The following QTMAN variants were observed in gnomAD, a reference collection of about 807,000 sequenced individuals.
QTMAN encodes the protein queuosine-tRNA mannosyltransferase.
the QTMAN span, among the ~76,000 whole-genome samples, chr2:144,059,141 C>T: frequency 6.6e-6 from 1 of 152,216 alleles, no homozygotes; most frequent in Admixed American, 6.5e-5. Flanking sequence ...TCCACTCATT[C>T]CAAACATATA....
the QTMAN span, chr2:143,940,972 G>A: frequency 6.6e-6 from 1 of 152,242 alleles, no homozygotes; most frequent in African/African-American, 2.4e-5. Flanking sequence ...AATACACCTA[G>A]AGTAAGGTAT....
the QTMAN span, among the ~76,000 whole-genome samples, chr2:144,175,588 CTCCT>C: frequency 1.3e-5 from 2 of 152,034 alleles, no homozygotes; most frequent in African/African-American, 4.8e-5. Flanking sequence ...GCAGATAAGT[CTCCT>C]TCCTTCCTTC....
At chr2:144,005,218 A>G in the QTMAN span, among the ~76,000 whole-genome samples, 22 of 152,046 alleles carry the variant, frequency 1.4e-4, no homozygotes, top group Admixed American at 3.3e-4. Context: ...TTAAAAAGAT[A>G]TATCTATATG....
the QTMAN span, among the ~76,000 whole-genome samples, chr2:144,218,333 T>C: frequency 1.3e-5 from 2 of 152,214 alleles, no homozygotes; most frequent in African/African-American, 4.8e-5. Flanking sequence ...TTCCATGCCA[T>C]GGCAAAGCAT....
chr2:144,129,100 TATAAA>T, the QTMAN span, among the ~76,000 whole-genome samples: 2 of 151,860 alleles, frequency 1.3e-5, no homozygotes, highest in Non-Finnish European at 2.9e-5. Flanking sequence ...GATTCCGTAT[TATAAA>T]ATAAGTTTTG....
the QTMAN span, among the ~76,000 whole-genome samples, chr2:143,951,426 C>T: frequency 1.6e-3 from 239 of 151,560 alleles, no homozygotes; most frequent in African/African-American, 5.5e-3. Context: ...TTTCCCTTTG[C>T]CATTCAGAGA....
At chr2:144,110,808 A>T in the QTMAN span, among the ~76,000 whole-genome samples, 12 of 152,108 alleles carry the variant, frequency 7.9e-5, no homozygotes, top group Non-Finnish European at 1.5e-4. Context: ...AGCAGGAGTG[A>T]TATCATCTTT....
the QTMAN span, among the ~76,000 whole-genome samples, chr2:143,950,467 G>A: frequency 6.6e-6 from 1 of 151,438 alleles, no homozygotes; most frequent in South Asian, 2.1e-4. Flanking sequence ...AATTTGCAGA[G>A]GTTTAAAATT....
chr2:144,024,680 C>T, the QTMAN span, among the ~76,000 whole-genome samples: 1 of 152,108 alleles, frequency 6.6e-6, no homozygotes, highest in Non-Finnish European at 1.5e-5. Context: ...AGAATGAAGA[C>T]CTGCTATGCA....
chr2:144,061,558 T>C, the QTMAN span, among the ~76,000 whole-genome samples: 2 of 152,206 alleles, frequency 1.3e-5, no homozygotes, highest in Non-Finnish European at 2.9e-5. Context: ...CCTCCTCTAC[T>C]AACATTTATT....
At chr2:144,296,441 A>G in the QTMAN span, among the ~76,000 whole-genome samples, 1 of 152,208 alleles carries the variant, frequency 6.6e-6, no homozygotes, top group Non-Finnish European at 1.5e-5. Context: ...ACTTCCATCA[A>G]AAGTGTTCAT....
chr2:144,140,712 G>GT, the QTMAN span, among the ~76,000 whole-genome samples: 42 of 152,006 alleles, frequency 2.8e-4, no homozygotes, highest in Admixed American at 1.4e-3. Context: ...TGCTTGAATG[G>GT]TAAGTAGAAA....
the QTMAN span, among the ~76,000 whole-genome samples, chr2:143,995,918 C>G: frequency 7.2e-5 from 11 of 152,036 alleles, no homozygotes; most frequent in African/African-American, 2.7e-4. Context: ...TCGAACTCCC[C>G]AAGTGTTCTC....
chr2:144,327,563 G>A, the QTMAN span, among the ~76,000 whole-genome samples: 1 of 152,196 alleles, frequency 6.6e-6, no homozygotes, highest in Non-Finnish European at 1.5e-5. Flanking sequence ...ACTCATGACT[G>A]GATGAATCCA....
At chr2:143,961,785 CTT>C in the QTMAN span, among the ~76,000 whole-genome samples, 2 of 152,022 alleles carry the variant, frequency 1.3e-5, no homozygotes, top group East Asian at 3.9e-4. Flanking sequence ...CAGGAGTAGA[CTT>C]TAAGCCCAGG....
At chr2:143,938,085 G>C in the QTMAN span, 1 of 152,174 alleles carries the variant, frequency 6.6e-6, no homozygotes, top group South Asian at 2.1e-4. Context: ...TTGCAGTTTT[G>C]TAGATTCCAT....
the QTMAN span, among the ~76,000 whole-genome samples, chr2:144,191,468 A>C: frequency 6.6e-6 from 1 of 152,200 alleles, no homozygotes; most frequent in Non-Finnish European, 1.5e-5. Context: ...TGAATAATGG[A>C]GTATTAGAAA....
the QTMAN span, among the ~76,000 whole-genome samples, chr2:144,109,256 C>A: frequency 5.1e-4 from 77 of 152,302 alleles, no homozygotes; most frequent in African/African-American, 1.6e-3. Flanking sequence ...CTACAACCAT[C>A]TGATCTTTGA....
At chr2:144,169,281 A>G in the QTMAN span, among the ~76,000 whole-genome samples, 2 of 152,194 alleles carry the variant, frequency 1.3e-5, no homozygotes, top group African/African-American at 2.4e-5. Context: ...TTAGAACTAT[A>G]TAAATCAGAG....
Sources: allele counts gnomAD v4.1 joint callset (sites outside exome capture counted in the v4.1 genomes callset), GRCh38; gene constraint gnomAD v4.1.1; transcripts MANE v1.5; gene names NCBI Gene and HGNC (gene_info 2026-07-23, HGNC 2026-07-21).